CHAF1B: variants seen among roughly 807,000 people sequenced by gnomAD.
CHAF1B encodes the protein CAF-1 subunit B.
In CHAF1B, 10 loss-of-function variants were observed where a neutral mutation model predicts 60.7. That is an observed-to-expected ratio of 0.16 (90% confidence interval 0.10 to 0.28). The LOEUF is 0.28. CHAF1B is among the 10% of genes least tolerant of loss of function. The probability of loss-of-function intolerance (pLI) is 1.00; values close to 1 mark genes in which losing one functional copy is unlikely to be tolerated. For synonymous variants in CHAF1B, 261 were observed against 266.1 expected, an observed-to-expected ratio of 0.98 and a Z score of 0.19; for missense variants, 558 against 708.4, an observed-to-expected ratio of 0.79 and a Z score of 2.41.
chr21:36,415,334 A>G lies in CHAF1B; in HGVS notation c.1533A>G (p.Pro511=), dbSNP rs145634790. Residue 511 remains proline, a synonymous_variant, in exon 13 of 14, where the codon CCA becomes CCG. Transcript: ENST00000314103. ...NLTPLKTDTP[P]SSVPTSVIST... ...CACCCTTAAAGACGGACACTCCACCAAGTTCTGTACCAACCAGTGTGATTT... is the reference window on the plus strand; with the variant it reads ...CACCCTTAAAGACGGACACTCCACCGAGTTCTGTACCAACCAGTGTGATTT... 9.2e-5 allele frequency: 149 copies of G among 1,613,118 alleles called. 2 individuals carry two copies. The highest frequency in any genetic ancestry group is 2.7e-5 in the African/African-American group (2 of 74,848).
intron 5 of CHAF1B, among the ~76,000 whole-genome samples, chr21:36,396,664 G>GAA (rs752832667): frequency 7.3e-6 from 1 of 136,438 alleles, no homozygotes; most frequent in Non-Finnish European, 1.6e-5. Flanking sequence ...AAAAAAAAAA[G>GAA]AAAAAAAAAA....
chr21:36,396,358 CAAAAAAA>C (rs777079304), intron 5 of CHAF1B, among the ~76,000 whole-genome samples: 2 of 52,816 alleles, frequency 3.8e-5, no homozygotes, highest in East Asian at 6.9e-4. Context: ...CCAAAAACCT[CAAAAAAA>C]AAAAAAAAAA....
At chr21:36,415,830 G>A in intron 13 of CHAF1B, 1 of 381,574 alleles carries the variant, frequency 2.6e-6, no homozygotes. Flanking sequence ...TCGGCTCACT[G>A]CAGCCTCCAC....
At chr21:36,399,904 C>T (rs1037878798) in intron 7 of CHAF1B, among the ~76,000 whole-genome samples, 1 of 152,182 alleles carries the variant, frequency 6.6e-6, no homozygotes, top group Admixed American at 6.6e-5. Flanking sequence ...GCTGGCCGGG[C>T]GCCGTGGCTC....
intron 3 of CHAF1B, among the ~76,000 whole-genome samples, chr21:36,389,379 G>A (rs2086063485): frequency 2.0e-5 from 3 of 152,132 alleles, no homozygotes; most frequent in Non-Finnish European, 4.4e-5. Context: ...ACCGAGGCAG[G>A]TGGATCATTT....
chr21:36,406,752 T>A (rs2086240973), intron 8 of CHAF1B, among the ~76,000 whole-genome samples: 1 of 152,200 alleles, frequency 6.6e-6, no homozygotes, highest in Admixed American at 6.6e-5. Flanking sequence ...TTAGCATTTT[T>A]CAGGAATATA....
intron 3 of CHAF1B, among the ~76,000 whole-genome samples, chr21:36,389,810 C>G (rs990260269): frequency 2.9e-5 from 4 of 138,872 alleles, no homozygotes; most frequent in Admixed American, 7.0e-5. Context: ...TGCGCGCGCA[C>G]GCTGATTTGT....
rs752443347 is a variant in CHAF1B at position 36,415,274 on chromosome 21, CTT to C, written c.1494-10_1494-9del. The C allele has an allele frequency of 8.5e-4, 1,026 of 1,201,876 alleles. No homozygotes were observed. Among genetic ancestry groups the C allele is most frequent in the Non-Finnish European group, 9.9e-4 (837 of 847,646 alleles). The allele number at this position is 1,201,876 out of a possible 1,614,324, so 74.5% of individuals were successfully genotyped here. A position where few individuals can be genotyped will look rare whatever the true frequency, so the allele number is the denominator to read the frequency against. On this transcript the variant is annotated intron_variant, in intron 12 of 13. Coordinates refer to ENST00000314103, the MANE Select transcript of CHAF1B (RefSeq NM_005441.3). Reference sequence around the variant, plus strand: ...ATACTAATGAGCCATCACCCCTCTACTTTTTTTTTTTTAAATCAAGGAGAATA... The same window carrying C: ...ATACTAATGAGCCATCACCCCTCTACTTTTTTTTTTAAATCAAGGAGAATA...
At chr21:36,401,393 T>A (rs2086187869) in intron 7 of CHAF1B, among the ~76,000 whole-genome samples, 1 of 130,078 alleles carries the variant, frequency 7.7e-6, no homozygotes, top group Non-Finnish European at 1.6e-5. Context: ...TTTTATATTA[T>A]ACATAATATA....
chr21:36,402,833 TCTTTG>T lies in CHAF1B; in HGVS notation c.743_747del (p.Leu248SerfsTer11). The stretch of plus-strand genomic sequence containing the variant: ...TAGACTGAGTTTCACTCCCGACGGA[TCTTTG>T]CTTCTCACGCCAGGTGTGTTTCGTA... On this transcript the variant is annotated frameshift_variant, in exon 8 of 14. Coordinates refer to ENST00000314103, the MANE Select transcript of CHAF1B (RefSeq NM_005441.3). LOFTEE classifies it high-confidence loss of function. The T allele has an allele frequency of 6.2e-7, 1 of 1,613,852 alleles. No individual in the cohort carries two copies. Among genetic ancestry groups the T allele is most frequent in the Non-Finnish European group, 8.5e-7 (1 of 1,179,798 alleles).
At chr21:36,394,718 A>G (rs1379144122) in intron 5 of CHAF1B, 68 bp downstream of exon 5, 5 of 1,054,308 alleles carry the variant, frequency 4.7e-6, no homozygotes, top group Non-Finnish European at 6.9e-6. Flanking sequence ...CTAAAAGTCT[A>G]ACTTGCTTTA....
At chr21:36,389,796 T>TGCGCGCGCGCGCGC (rs1263503885) in intron 3 of CHAF1B, among the ~76,000 whole-genome samples, 15 of 109,706 alleles carry the variant, frequency 1.4e-4, no homozygotes, top group African/African-American at 6.4e-4. Flanking sequence ...TGTGTGTGTG[T>TGCGCGCGCGCGCGC]GTGTGCGCGC....
At chr21:36,397,716 A>AAT in intron 6 of CHAF1B, 1 of 276,578 alleles carries the variant, frequency 3.6e-6, no homozygotes. Flanking sequence ...GTACTTAGTA[A>AAT]ATCTTTTTTT....
intron 2 of CHAF1B, among the ~76,000 whole-genome samples, chr21:36,387,185 GA>G (rs1235584895): frequency 6.7e-6 from 1 of 150,144 alleles, no homozygotes; most frequent in Non-Finnish European, 1.5e-5. Context: ...TGTTTCAAAA[GA>G]AAAACTAAGT....
intron 10 of CHAF1B, among the ~76,000 whole-genome samples, chr21:36,410,535 C>T (rs1411264508): frequency 1.3e-5 from 2 of 151,876 alleles, no homozygotes; most frequent in Middle Eastern, 3.2e-3. Flanking sequence ...AGTTTGCTAA[C>T]CCTTTCTTCT....
intron 4 of CHAF1B, among the ~76,000 whole-genome samples, chr21:36,393,138 T>C (rs1601558043): frequency 6.6e-6 from 1 of 151,602 alleles, no homozygotes; most frequent in Non-Finnish European, 1.5e-5. Context: ...GGCAGGGAGG[T>C]TGCAGTGAGC....
At chr21:36,414,954 G>C (rs774923120) in intron 12 of CHAF1B, among the ~76,000 whole-genome samples, 1 of 152,068 alleles carries the variant, frequency 6.6e-6, no homozygotes, top group African/African-American at 2.4e-5. Flanking sequence ...GTGTTTCGAC[G>C]CTTTCTATAT....
intron 12 of CHAF1B, among the ~76,000 whole-genome samples, chr21:36,414,552 G>A (rs930796882): frequency 6.6e-6 from 1 of 152,080 alleles, no homozygotes; most frequent in Non-Finnish European, 1.5e-5. Flanking sequence ...CAAGCTTCTT[G>A]AAGATGTAAT....
chr21:36,387,770 A>G (rs370357354), intron 3 of CHAF1B, 40 bp downstream of exon 3: 14 of 1,603,488 alleles, frequency 8.7e-6, no homozygotes, highest in Non-Finnish European at 1.2e-5. Flanking sequence ...CGGGAACCAG[A>G]TAGATACCTG....
Sources: allele counts gnomAD v4.1 joint callset (sites outside exome capture counted in the v4.1 genomes callset), GRCh38; gene constraint gnomAD v4.1.1; transcripts MANE v1.5; gene names NCBI Gene and HGNC (gene_info 2026-07-23, HGNC 2026-07-21).